The following CHRM3 variants were observed in gnomAD, a reference collection of about 807,000 sequenced individuals.
CHRM3 encodes the protein muscarinic acetylcholine receptor M3.
Under a neutral mutation model 41.8 loss-of-function variants are expected in CHRM3, and 11 were observed. The ratio of observed to expected loss-of-function variants is 0.26; its 90% CI spans 0.17 to 0.44. The LOEUF (loss-of-function observed/expected upper bound fraction) is 0.44, where lower values mean the gene tolerates loss of function less well. CHRM3 is among the 20% of genes least tolerant of loss of function. The pLI is 1.00. For missense variants in CHRM3, 571 were observed against 745.4 expected, an observed-to-expected ratio of 0.77 and a Z score of 2.72; for synonymous variants, 297 against 301.4, an observed-to-expected ratio of 0.99 and a Z score of 0.15.
At chr1:239,520,151 A>C (rs1486645440) in intron 2 of CHRM3, among the ~76,000 whole-genome samples, 3 of 152,154 alleles carry the variant, frequency 2.0e-5, no homozygotes, top group African/African-American at 7.2e-5. Context: ...TAACCCTCAT[A>C]ATATATTAGT....
chr1:239,793,451 C>T (rs1274850390), intron 5 of CHRM3, among the ~76,000 whole-genome samples: 3 of 152,172 alleles, frequency 2.0e-5, no homozygotes, highest in Non-Finnish European at 4.4e-5. Flanking sequence ...GAGAGGGAGC[C>T]TGTCAGCATT....
chr1:239,613,780 C>G (rs907544364), intron 3 of CHRM3, among the ~76,000 whole-genome samples: 1 of 152,112 alleles, frequency 6.6e-6, no homozygotes, highest in Non-Finnish European at 1.5e-5. Flanking sequence ...CCTTCTGTGT[C>G]TCTGTTTCCT....
intron 1 of CHRM3, among the ~76,000 whole-genome samples, chr1:239,461,003 T>C (rs56096119): frequency 0.021 from 3,253 of 152,242 alleles, 101 homozygotes; most frequent in African/African-American, 0.074. Context: ...ATGGCCTCCA[T>C]TGGGATCTAT....
chr1:239,633,197 T>C (rs1394800778), intron 4 of CHRM3, among the ~76,000 whole-genome samples: 2 of 152,152 alleles, frequency 1.3e-5, no homozygotes, highest in Non-Finnish European at 2.9e-5. Context: ...GGTCTCGATC[T>C]CCTGACCTCA....
chr1:239,552,652 TATTA>T (rs770436447), intron 3 of CHRM3, among the ~76,000 whole-genome samples: 13 of 147,290 alleles, frequency 8.8e-5, no homozygotes, highest in Non-Finnish European at 1.5e-4. Context: ...TTATTATTAT[TATTA>T]TTATTAATTA....
At chr1:239,799,478 C>T (rs575113272) in intron 5 of CHRM3, among the ~76,000 whole-genome samples, 2 of 152,198 alleles carry the variant, frequency 1.3e-5, no homozygotes, top group South Asian at 2.1e-4. Flanking sequence ...CCAGGAAGCC[C>T]GCTCATGGAA....
chr1:239,684,163 A>G (rs989856340), intron 5 of CHRM3, among the ~76,000 whole-genome samples: 8 of 152,276 alleles, frequency 5.3e-5, no homozygotes, highest in Admixed American at 3.9e-4. Flanking sequence ...CATGCCTGCC[A>G]CCACAGAACA....
chr1:239,407,433 G>C (rs1473002681), intron 1 of CHRM3, among the ~76,000 whole-genome samples: 2 of 118,350 alleles, frequency 1.7e-5, no homozygotes, highest in South Asian at 2.6e-4. Context: ...GAGAGAGAGA[G>C]AGAGAGAGCG....
At chr1:239,880,002 C>T (rs1355088931) in intron 6 of CHRM3, among the ~76,000 whole-genome samples, 2 of 152,146 alleles carry the variant, frequency 1.3e-5, no homozygotes, top group African/African-American at 4.8e-5. Flanking sequence ...ATGCCAATCA[C>T]TGTGATGAGG....
intron 6 of CHRM3, among the ~76,000 whole-genome samples, chr1:239,859,168 G>T (rs976979369): frequency 4.6e-5 from 7 of 152,176 alleles, no homozygotes; most frequent in Admixed American, 4.6e-4. Flanking sequence ...ATAATTTATG[G>T]ACTGTTTTCT....
intron 1 of CHRM3, among the ~76,000 whole-genome samples, chr1:239,422,422 A>G (rs531347015): frequency 6.6e-6 from 1 of 152,310 alleles, no homozygotes; most frequent in South Asian, 2.1e-4. Flanking sequence ...CTCAGAACAA[A>G]CATTGGGAAA....
intron 5 of CHRM3, among the ~76,000 whole-genome samples, chr1:239,701,553 G>A (rs1308616720): frequency 6.6e-6 from 1 of 152,126 alleles, no homozygotes; most frequent in Non-Finnish European, 1.5e-5. Context: ...GCCTAGAGTT[G>A]TGCCAGTAAT....
At chr1:239,734,230 T>TG (rs1377479687) in intron 5 of CHRM3, among the ~76,000 whole-genome samples, 1 of 152,182 alleles carries the variant, frequency 6.6e-6, no homozygotes, top group East Asian at 1.9e-4. Context: ...ACTCCAGGTC[T>TG]GGGGCAGGAA....
At chr1:239,439,024 C>T (rs1422880051) in intron 1 of CHRM3, among the ~76,000 whole-genome samples, 2 of 152,172 alleles carry the variant, frequency 1.3e-5, no homozygotes, top group African/African-American at 4.8e-5. Context: ...GTAAGTTGGG[C>T]CTAGCTTCAT....
intron 2 of CHRM3, among the ~76,000 whole-genome samples, chr1:239,520,547 C>T (rs1669572100): frequency 6.6e-6 from 1 of 152,098 alleles, no homozygotes; most frequent in Non-Finnish European, 1.5e-5. Flanking sequence ...ATGAGGCCTC[C>T]CCTGAAGCAG....
chr1:239,856,390 C>G (rs374640175), intron 6 of CHRM3, among the ~76,000 whole-genome samples: 1 of 152,072 alleles, frequency 6.6e-6, no homozygotes, highest in Non-Finnish European at 1.5e-5. Flanking sequence ...TGAGTTCTCA[C>G]GAAATCTGAT....
intron 1 of CHRM3, among the ~76,000 whole-genome samples, chr1:239,465,087 G>A (rs1665626067): frequency 6.6e-6 from 1 of 152,074 alleles, no homozygotes; most frequent in South Asian, 2.1e-4. Context: ...CTGTGTAAAT[G>A]TCTAATAATA....
intron 2 of CHRM3, among the ~76,000 whole-genome samples, chr1:239,529,831 A>T (rs769819686): frequency 7.2e-5 from 11 of 152,072 alleles, no homozygotes; most frequent in Admixed American, 6.6e-5. Context: ...CTTTTCATCT[A>T]TTAAAAACAA....
chr1:239,493,004 C>T (rs1246544999), intron 2 of CHRM3, among the ~76,000 whole-genome samples, 197 bp downstream of exon 2: 1 of 152,196 alleles, frequency 6.6e-6, no homozygotes, highest in African/African-American at 2.4e-5. Flanking sequence ...CAAGTTCCTC[C>T]ATTTACAGGT....
Sources: allele counts gnomAD v4.1 joint callset (sites outside exome capture counted in the v4.1 genomes callset), GRCh38; gene constraint gnomAD v4.1.1; transcripts MANE v1.5; gene names NCBI Gene and HGNC (gene_info 2026-07-23, HGNC 2026-07-21).